Variants in SAR1B observed in about 807,000 individuals in gnomAD.
The protein encoded by SAR1B is secretion associated Ras related GTPase 1B.
In SAR1B, 23 loss-of-function variants were observed where a neutral mutation model predicts 26.8. The observed-to-expected ratio is 0.86, with a 90% CI of 0.62 to 1.22. The LOEUF (loss-of-function observed/expected upper bound fraction) is 1.22. Ranked by LOEUF, SAR1B falls within the 50% of genes most tolerant of loss-of-function variation. The pLI is 0.00. For synonymous variants in SAR1B, 65 were observed against 80.8 expected, an observed-to-expected ratio of 0.80 and a Z score of 1.05; for missense variants, 196 against 232.8, an observed-to-expected ratio of 0.84 and a Z score of 1.03.
chr5:134,620,576 C>T (rs1765388484), intron 3 of SAR1B, among the ~76,000 whole-genome samples: 1 of 152,106 alleles, frequency 6.6e-6, no homozygotes, highest in African/African-American at 2.4e-5. Flanking sequence ...AAACAAAAAA[C>T]TTGGCCAGGT....
intron 4 of SAR1B, among the ~76,000 whole-genome samples, chr5:134,610,369 G>C (rs1765193296): frequency 6.6e-6 from 1 of 152,016 alleles, no homozygotes; most frequent in Non-Finnish European, 1.5e-5. Flanking sequence ...AGCACTTTGG[G>C]AGGCTGAGGC....
At chr5:134,608,835 T>G (rs1765170631) in intron 5 of SAR1B, 1 of 381,380 alleles carries the variant, frequency 2.6e-6, no homozygotes, top group Non-Finnish European at 5.0e-6. Flanking sequence ...CAAGTTAGCC[T>G]GACTGAAGCT....
At chr5:134,623,861 T>C in intron 2 of SAR1B, 101 bp downstream of exon 2, 1 of 807,538 alleles carries the variant, frequency 1.2e-6, no homozygotes, top group East Asian at 2.4e-5. Flanking sequence ...TTAACTATTC[T>C]TTACTACTGG....
intron 3 of SAR1B, among the ~76,000 whole-genome samples, chr5:134,615,203 C>A (rs1171482837): frequency 1.3e-5 from 2 of 151,674 alleles, no homozygotes; most frequent in East Asian, 3.9e-4. Context: ...AAAAAATTAG[C>A]TGGGTGCAGC....
intron 3 of SAR1B, among the ~76,000 whole-genome samples, chr5:134,615,086 C>T (rs1452425856): frequency 6.6e-6 from 1 of 152,154 alleles, no homozygotes; most frequent in Non-Finnish European, 1.5e-5. Flanking sequence ...CGGTGGCTCA[C>T]GCCTGTAATC....
At chr5:134,620,903 G>A (rs201644959) in intron 3 of SAR1B, 30 bp downstream of exon 3, 1 of 1,612,118 alleles carries the variant, frequency 6.2e-7, no homozygotes, top group Non-Finnish European at 8.5e-7. Context: ...ATTTGATCAA[G>A]TATCACATTG....
chr5:134,611,130 C>G (rs957503342), intron 4 of SAR1B, among the ~76,000 whole-genome samples: 35 of 152,262 alleles, frequency 2.3e-4, no homozygotes, highest in African/African-American at 8.4e-4. Flanking sequence ...TCTCAAAGCA[C>G]TGGGATTATA....
At chr5:134,621,622 T>C (rs1280625011) in intron 2 of SAR1B, among the ~76,000 whole-genome samples, 1 of 152,176 alleles carries the variant, frequency 6.6e-6, no homozygotes, top group Non-Finnish European at 1.5e-5. Flanking sequence ...TGCTGATTAA[T>C]TTTAGAAGTA....
chr5:134,604,109 C>T lies in SAR1B; in HGVS notation c.*2841G>A, dbSNP rs1409522849. The T allele has an allele frequency of 6.6e-6, 1 of 152,190 alleles. No individual in the cohort carries two copies. Among genetic ancestry groups the T allele is most frequent in the Non-Finnish European group, 1.5e-5 (1 of 68,038 alleles). 9.4% of individuals were successfully genotyped at this position (152,190 alleles called of 1,614,324 possible). On this transcript the variant is annotated 3_prime_UTR_variant, in exon 7 of 7. Coordinates refer to ENST00000402673, the MANE Select transcript of SAR1B (RefSeq NM_016103.4). ...AAAATTCACTGAGATAAACTGAAATCTATCAATTTAACCAGCTGTGATCCA... is the reference window on the plus strand; with the variant it reads ...AAAATTCACTGAGATAAACTGAAATTTATCAATTTAACCAGCTGTGATCCA...
intron 1 of SAR1B, 121 bp from the exon 2 acceptor site, chr5:134,624,158 AC>A: frequency 2.9e-6 from 2 of 700,956 alleles, no homozygotes; most frequent in Non-Finnish European, 5.2e-6. Context: ...ACAAAGAGTT[AC>A]ACACTTTGGG....
chr5:134,627,453 C>G (rs1208746619), intron 1 of SAR1B, among the ~76,000 whole-genome samples: 2 of 152,042 alleles, frequency 1.3e-5, no homozygotes, highest in African/African-American at 4.8e-5. Flanking sequence ...CCACCTCAAC[C>G]TCCTGAGTAC....
At chr5:134,616,835 A>T (rs1765324060) in intron 3 of SAR1B, among the ~76,000 whole-genome samples, 1 of 152,246 alleles carries the variant, frequency 6.6e-6, no homozygotes, top group African/African-American at 2.4e-5. Context: ...GACTGAATGT[A>T]TCAGTGGTTT....
rs1765040016 is a variant in SAR1B, at chr5:134,601,895, T to C, written c.*5055A>G. On this transcript the variant is annotated 3_prime_UTR_variant, in exon 7 of 7. Coordinates refer to ENST00000402673, the MANE Select transcript of SAR1B (RefSeq NM_016103.4). Reference sequence around the variant, plus strand: ...CCTGTCTCTACTAACAATACAAATATTAGCCAGCTGTGGTGGCGCACGCCT... The same window carrying C: ...CCTGTCTCTACTAACAATACAAATACTAGCCAGCTGTGGTGGCGCACGCCT... 3 of 152,152 alleles carry C rather than the reference T, an allele frequency of 2.0e-5. No homozygotes were observed. The highest frequency in any genetic ancestry group is 2.9e-5 in the Non-Finnish European group (2 of 68,042). 9.4% of individuals were successfully genotyped at this position (152,152 alleles called of 1,614,324 possible). A position where few individuals can be genotyped will look rare whatever the true frequency, so the allele number is the denominator to read the frequency against.
chr5:134,617,739 T>C (rs1236474897), intron 3 of SAR1B, among the ~76,000 whole-genome samples: 1 of 152,114 alleles, frequency 6.6e-6, no homozygotes, highest in Non-Finnish European at 1.5e-5. Context: ...TGGAATGCAG[T>C]GGCGCCATCT....
rs540759216 is a variant in SAR1B, at chr5:134,620,022, G to GA, written c.178+910dup. ...AGTAATATGGCTTTAAAATCTGAAAGAAGCCTGGGCGCGGTGGCTCACACC... is the reference window on the plus strand; with the variant it reads ...AGTAATATGGCTTTAAAATCTGAAAGAAAGCCTGGGCGCGGTGGCTCACACC... On this transcript the variant is annotated intron_variant, in intron 3 of 6. Coordinates refer to ENST00000402673, the MANE Select transcript of SAR1B (RefSeq NM_016103.4). Among the ~76,000 whole-genome samples, 57 of 152,060 alleles carry GA rather than the reference G, an allele frequency of 3.7e-4. 1 individual carries two copies. In the South Asian group the frequency reaches 5.4e-3, roughly 14 times the overall value.
At position 134,606,919 on chromosome 5, in the gene SAR1B, C is replaced by G; in HGVS notation, c.*31G>C. Reference sequence around the variant, plus strand: ...AATCAAATCTCTGAGTAAGCCTGAACGTTGAGACCTGGAACCAATGTGAGT... The same window carrying G: ...AATCAAATCTCTGAGTAAGCCTGAAGGTTGAGACCTGGAACCAATGTGAGT... On this transcript the variant is annotated 3_prime_UTR_variant, in exon 7 of 7. Transcript: ENST00000402673. The G allele has an allele frequency of 7.2e-7, 1 of 1,398,514 alleles. No homozygotes were observed. The highest frequency in any genetic ancestry group is 1.0e-6 in the Non-Finnish European group (1 of 983,296). 86.6% of individuals were successfully genotyped at this position (1,398,514 alleles called of 1,614,324 possible).
At chr5:134,625,561 CAG>C (rs1442934727) in intron 1 of SAR1B, among the ~76,000 whole-genome samples, 1 of 152,068 alleles carries the variant, frequency 6.6e-6, no homozygotes, top group East Asian at 1.9e-4. Context: ...AAGCCAAAAA[CAG>C]AAAAGGGTGA....
At chr5:134,614,127 G>C (rs1361162349) in intron 3 of SAR1B, 1 of 151,968 alleles carries the variant, frequency 6.6e-6, no homozygotes, top group Non-Finnish European at 1.5e-5. Context: ...GCAACCCAGG[G>C]AGACCCTGTC....
chr5:134,615,772 GCAC>G (rs1197817772), intron 3 of SAR1B, among the ~76,000 whole-genome samples: 2 of 152,058 alleles, frequency 1.3e-5, no homozygotes, highest in African/African-American at 4.8e-5. Flanking sequence ...AGCCGAGATT[GCAC>G]CACTGCACTC....
Sources: allele counts gnomAD v4.1 joint callset (sites outside exome capture counted in the v4.1 genomes callset), GRCh38; gene constraint gnomAD v4.1.1; transcripts MANE v1.5; gene names NCBI Gene and HGNC (gene_info 2026-07-23, HGNC 2026-07-21).